SMURF1: variants seen among roughly 807,000 people sequenced by gnomAD.
The protein encoded by SMURF1 is E3 ubiquitin-protein ligase SMURF1.
Under a neutral mutation model 98.0 loss-of-function variants are expected in SMURF1, and 44 were observed. That is an observed-to-expected ratio of 0.45 (90% CI 0.35 to 0.58). The LOEUF is 0.58. Ranked by LOEUF, SMURF1 falls within the 20% of genes least tolerant of loss-of-function variation. SMURF1 has a pLI of 0.00. For missense variants in SMURF1, 687 were observed against 938.4 expected (o/e 0.73, Z 3.50); for synonymous variants, 396 against 374.9 (o/e 1.06, Z -0.65).
chr7:99,051,098 C>A, intron 8 of SMURF1: 1 of 1,090,378 alleles, frequency 9.2e-7, no homozygotes, highest in Non-Finnish European at 1.3e-6. Flanking sequence ...AGTTAGTGAT[C>A]ATAAGGAATT....
intron 1 of SMURF1, among the ~76,000 whole-genome samples, chr7:99,072,670 G>A (rs1002629745): frequency 6.6e-6 from 1 of 151,970 alleles, no homozygotes; most frequent in Admixed American, 6.6e-5. Flanking sequence ...AAAATCCGAA[G>A]GTGAGGATGA....
chr7:99,140,651 G>C (rs554226809), intron 1 of SMURF1, among the ~76,000 whole-genome samples: 121 of 152,204 alleles, frequency 7.9e-4, no homozygotes, highest in African/African-American at 2.6e-3. Flanking sequence ...TCAACCTCCT[G>C]ACCTCGTGAT....
At chr7:99,139,267 A>G (rs10953279) in intron 1 of SMURF1, among the ~76,000 whole-genome samples, 148,192 of 152,282 alleles carry the variant, frequency 0.97, 72,223 homozygotes, top group East Asian at 1. Context: ...TACATCCCAC[A>G]AGCTACAATT....
At chr7:99,102,937 G>A (rs1797121113) in intron 1 of SMURF1, among the ~76,000 whole-genome samples, 2 of 151,990 alleles carry the variant, frequency 1.3e-5, no homozygotes, top group African/African-American at 2.4e-5. Context: ...CCAAGTAGCT[G>A]AGACCACAGG....
intron 1 of SMURF1, among the ~76,000 whole-genome samples, chr7:99,101,553 T>G (rs1797081884): frequency 6.6e-6 from 1 of 152,210 alleles, no homozygotes; most frequent in South Asian, 2.1e-4. Flanking sequence ...TAGATTTAAT[T>G]TATTGCCCAA....
intron 1 of SMURF1, among the ~76,000 whole-genome samples, chr7:99,114,099 C>A (rs1797388656): frequency 1.3e-5 from 2 of 151,766 alleles, no homozygotes; most frequent in South Asian, 4.2e-4. Context: ...TATATAAGAG[C>A]AAAGTTTTTA....
intron 1 of SMURF1, among the ~76,000 whole-genome samples, chr7:99,137,005 G>A (rs1798007501): frequency 6.6e-6 from 1 of 150,774 alleles, no homozygotes; most frequent in South Asian, 2.1e-4. Context: ...CCTGGCCTGG[G>A]AAAAACATAA....
intron 1 of SMURF1, among the ~76,000 whole-genome samples, chr7:99,063,825 G>A (rs1796125236): frequency 6.7e-6 from 1 of 149,520 alleles, no homozygotes; most frequent in African/African-American, 2.4e-5. Context: ...TGCCCAGGCT[G>A]GAGTGCAGTG....
At chr7:99,093,659 T>C (rs550889671) in intron 1 of SMURF1, among the ~76,000 whole-genome samples, 2 of 152,236 alleles carry the variant, frequency 1.3e-5, no homozygotes, top group South Asian at 4.1e-4. Context: ...AGTTTATGAC[T>C]ACTTTCCTCC....
At chr7:99,090,643 T>C (rs1326134363) in intron 1 of SMURF1, among the ~76,000 whole-genome samples, 2 of 152,212 alleles carry the variant, frequency 1.3e-5, no homozygotes, top group Non-Finnish European at 2.9e-5. Flanking sequence ...ATGTTCAATC[T>C]GTAATAGAAG....
At chr7:99,078,895 G>C (rs1055649203) in intron 1 of SMURF1, among the ~76,000 whole-genome samples, 1 of 152,176 alleles carries the variant, frequency 6.6e-6, no homozygotes, top group Admixed American at 6.5e-5. Context: ...ACTATAAATG[G>C]AATGCGCTTG....
chr7:99,128,358 G>A (rs947943300), intron 1 of SMURF1, among the ~76,000 whole-genome samples: 6 of 152,072 alleles, frequency 3.9e-5, no homozygotes, highest in African/African-American at 7.2e-5. Flanking sequence ...TCCCCAAAAC[G>A]GCTTCCGTAA....
chr7:99,075,585 C>T (rs551051516), intron 1 of SMURF1, among the ~76,000 whole-genome samples: 3 of 150,898 alleles, frequency 2.0e-5, no homozygotes, highest in Admixed American at 1.3e-4. Flanking sequence ...GGGATTGAAT[C>T]GAACTGTAGA....
chr7:99,065,550 C>CA (rs1223812489), intron 1 of SMURF1, among the ~76,000 whole-genome samples: 4 of 152,142 alleles, frequency 2.6e-5, no homozygotes, highest in African/African-American at 7.2e-5. Flanking sequence ...AATTTGAAAT[C>CA]ACCCATCTAT....
rs1217770410 is a variant in SMURF1, at chr7:99,059,397, CAAAAAAAAATAAAATAAAAT to C, written c.203+1182_203+1201del. Among the ~76,000 whole-genome samples, 118 of 57,088 alleles carry C rather than the reference CAAAAAAAAATAAAATAAAAT, an allele frequency of 2.1e-3. 5 individuals carry two copies. Among genetic ancestry groups the C allele is most frequent in the African/African-American group, 8.2e-3 (114 of 13,908 alleles). The allele number at this position is 57,088 out of a possible 152,430, so 37.5% of individuals were successfully genotyped here. A position where few individuals can be genotyped will look rare whatever the true frequency, so the allele number is the denominator to read the frequency against. The stretch of plus-strand genomic sequence containing the variant: ...TGGGCGACAGAGCAAGACTCCATCT[CAAAAAAAAATAAAATAAAAT>C]AAAATAAAATAAAATAAAATAAAAT... On this transcript the variant is annotated intron_variant, in intron 3 of 17. Coordinates refer to ENST00000361368, the MANE Select transcript of SMURF1 (RefSeq NM_181349.3).
chr7:99,040,292 C>G (rs1562999801), intron 13 of SMURF1, 86 bp downstream of exon 13: 4 of 1,241,928 alleles, frequency 3.2e-6, no homozygotes, highest in Admixed American at 3.1e-5. Flanking sequence ...AATACACACA[C>G]ACGCGCGCGC....
chr7:99,062,491 G>T (rs189905215), intron 1 of SMURF1, among the ~76,000 whole-genome samples: 164 of 152,016 alleles, frequency 1.1e-3, no homozygotes, highest in Non-Finnish European at 1.8e-3. Flanking sequence ...GGGGAAGGTG[G>T]TAAAAAAAAA....
At chr7:99,070,649 CTT>C (rs34341240) in intron 1 of SMURF1, among the ~76,000 whole-genome samples, 1 of 148,350 alleles carries the variant, frequency 6.7e-6, no homozygotes, top group African/African-American at 2.5e-5. Flanking sequence ...TAGGTAATGA[CTT>C]TTTTTTTTTT....
At chr7:99,030,831 G>C in intron 17 of SMURF1, 148 bp from the exon 18 acceptor site, 1 of 566,926 alleles carries the variant, frequency 1.8e-6, no homozygotes, top group Non-Finnish European at 3.1e-6. Context: ...CATGTCCCCT[G>C]TGTTTTTCTG....
Sources: gnomAD v4.1 joint callset for allele counts (sites outside exome capture counted in the v4.1 genomes callset) on GRCh38, gnomAD v4.1.1 for gene constraint, MANE v1.5 for transcripts, NCBI Gene and HGNC (gene_info 2026-07-23, HGNC 2026-07-21) for gene names.